The following NCALD variants were observed in gnomAD, a reference collection of about 807,000 sequenced individuals.
The protein encoded by NCALD is neurocalcin-delta.
Under a neutral mutation model 18.6 loss-of-function variants are expected in NCALD, and 10 were observed. The observed-to-expected ratio is 0.54, with a 90% CI of 0.33 to 0.91. The LOEUF is 0.91. Ranked by LOEUF, NCALD falls within the 40% of genes least tolerant of loss-of-function variation. The probability of loss-of-function intolerance (pLI) is 0.03; values close to 1 mark genes in which losing one functional copy is unlikely to be tolerated. For missense variants in NCALD, 184 were observed against 247.6 expected (o/e 0.74, Z 1.72); for synonymous variants, 88 against 87.4 (o/e 1.01, Z -0.04).
chr8:101,803,278 ATC>A (rs1288372503), intron 4 of NCALD, among the ~76,000 whole-genome samples: 1 of 152,204 alleles, frequency 6.6e-6, no homozygotes, highest in Non-Finnish European at 1.5e-5. Flanking sequence ...ATCACAGTAC[ATC>A]TGTTTACAGC....
intron 2 of NCALD, among the ~76,000 whole-genome samples, chr8:101,987,921 G>A (rs564089458): frequency 7.2e-5 from 11 of 152,256 alleles, no homozygotes; most frequent in African/African-American, 1.9e-4. Flanking sequence ...TTCGGAGGCC[G>A]AGGCGGGCGG....
intron 1 of NCALD, among the ~76,000 whole-genome samples, chr8:101,748,984 G>C (rs1436734318): frequency 1.3e-5 from 2 of 152,060 alleles, no homozygotes; most frequent in Admixed American, 1.3e-4. Flanking sequence ...TCTTACCCTG[G>C]AGCATGTGTG....
intron 2 of NCALD, among the ~76,000 whole-genome samples, chr8:101,965,166 G>A (rs1406433313): frequency 6.6e-6 from 1 of 152,176 alleles, no homozygotes; most frequent in African/African-American, 2.4e-5. Context: ...AGTGTTGGTG[G>A]GAGTATAAAT....
At chr8:101,805,445 T>A (rs1246172920) in intron 4 of NCALD, among the ~76,000 whole-genome samples, 1 of 152,202 alleles carries the variant, frequency 6.6e-6, no homozygotes, top group Non-Finnish European at 1.5e-5. Flanking sequence ...AGGCAGAGAC[T>A]CTACTCTAAG....
At chr8:101,818,062 G>A (rs953701419) in intron 4 of NCALD, among the ~76,000 whole-genome samples, 5 of 152,056 alleles carry the variant, frequency 3.3e-5, no homozygotes, top group Non-Finnish European at 7.4e-5. Flanking sequence ...CCTGGTATGA[G>A]GACTTTGCCC....
At chr8:102,025,814 G>T (rs1005967467) in intron 1 of NCALD, among the ~76,000 whole-genome samples, 4 of 152,148 alleles carry the variant, frequency 2.6e-5, no homozygotes, top group Non-Finnish European at 5.9e-5. Context: ...AAGGACAGCA[G>T]TGTATTAGTC....
At chr8:101,693,086 CT>C in intron 2 of NCALD, 190 bp from the exon 3 acceptor site, 1 of 496,962 alleles carries the variant, frequency 2.0e-6, no homozygotes, top group Non-Finnish European at 3.7e-6. Flanking sequence ...GCTTGTTCTC[CT>C]CCAGTGAGGA....
intron 1 of NCALD, among the ~76,000 whole-genome samples, chr8:102,076,920 C>T (rs1172123804): frequency 2.0e-5 from 3 of 152,174 alleles, no homozygotes; most frequent in Non-Finnish European, 4.4e-5. Flanking sequence ...TGTGGCCCAC[C>T]CGTGACTCAC....
At chr8:101,856,335 G>T (rs1437058449) in intron 4 of NCALD, among the ~76,000 whole-genome samples, 1 of 152,046 alleles carries the variant, frequency 6.6e-6, no homozygotes. Context: ...ACCATGCCTG[G>T]CTAACTTTTA....
intron 2 of NCALD, among the ~76,000 whole-genome samples, chr8:101,712,531 A>G (rs1351319011): frequency 6.7e-6 from 1 of 150,354 alleles, no homozygotes; most frequent in Admixed American, 6.6e-5. Context: ...ACATGCAAAG[A>G]CACACATAGG....
At chr8:101,736,878 A>T (rs939477190) in intron 1 of NCALD, among the ~76,000 whole-genome samples, 2 of 152,182 alleles carry the variant, frequency 1.3e-5, no homozygotes, top group Non-Finnish European at 2.9e-5. Context: ...ATATTTTCAG[A>T]ACAAATTGGA....
intron 1 of NCALD, among the ~76,000 whole-genome samples, chr8:102,119,139 T>G (rs139224636): frequency 1.4e-4 from 22 of 152,252 alleles, no homozygotes; most frequent in African/African-American, 4.6e-4. Context: ...CACAGCAGTG[T>G]TTTCACAGTA....
At chr8:101,748,698 T>C (rs1446719844) in intron 1 of NCALD, among the ~76,000 whole-genome samples, 1 of 152,192 alleles carries the variant, frequency 6.6e-6, no homozygotes, top group Non-Finnish European at 1.5e-5. Context: ...AGATGAAGGA[T>C]GAGGCACAGA....
At chr8:101,860,197 A>G (rs966341048) in intron 4 of NCALD, among the ~76,000 whole-genome samples, 3 of 152,190 alleles carry the variant, frequency 2.0e-5, no homozygotes, top group Admixed American at 6.5e-5. Flanking sequence ...TGCAAGTATT[A>G]AAACTTACCT....
At chr8:101,937,700 A>G (rs1818814615) in intron 2 of NCALD, among the ~76,000 whole-genome samples, 7 of 152,188 alleles carry the variant, frequency 4.6e-5, no homozygotes, top group Admixed American at 4.6e-4. Flanking sequence ...TCATTCCACA[A>G]ATATTTGAGG....
chr8:101,796,428 C>G (rs1402256385), intron 4 of NCALD, among the ~76,000 whole-genome samples: 3 of 151,924 alleles, frequency 2.0e-5, no homozygotes, highest in Non-Finnish European at 4.4e-5. Context: ...TAAAATAACT[C>G]TAATTTGTAT....
chr8:102,097,526 C>A (rs532479447), intron 1 of NCALD, among the ~76,000 whole-genome samples: 1 of 152,146 alleles, frequency 6.6e-6, no homozygotes, highest in Admixed American at 6.5e-5. Context: ...GATCCCTTCC[C>A]GGTGAGACAT....
At chr8:101,805,148 G>A (rs1004525637) in intron 4 of NCALD, among the ~76,000 whole-genome samples, 1 of 152,104 alleles carries the variant, frequency 6.6e-6, no homozygotes, top group African/African-American at 2.4e-5. Flanking sequence ...AGACAATGCA[G>A]AAACATTCAT....
intron 3 of NCALD, chr8:101,690,614 C>T (rs1814684525): frequency 4.1e-6 from 4 of 985,338 alleles, no homozygotes; most frequent in African/African-American, 1.7e-5. Context: ...TTCTCCTCAG[C>T]CACAACTCCC....
Sources: allele counts gnomAD v4.1 joint callset (sites outside exome capture counted in the v4.1 genomes callset), GRCh38; gene constraint gnomAD v4.1.1; transcripts MANE v1.5; gene names NCBI Gene and HGNC (gene_info 2026-07-23, HGNC 2026-07-21).